JPH2: variants seen among roughly 807,000 people sequenced by gnomAD.
The protein encoded by JPH2 is junctophilin-2.
Under a neutral mutation model 55.9 loss-of-function variants are expected in JPH2, and 38 were observed. The observed-to-expected ratio is 0.68, with a 90% CI of 0.52 to 0.89. The LOEUF (loss-of-function observed/expected upper bound fraction) is 0.89, where lower values mean the gene tolerates loss of function less well. Among genes scored for constraint, JPH2 ranks in the 40% least tolerant of loss-of-function variants. JPH2 has a pLI of 0.00. For synonymous variants in JPH2, 480 were observed against 472.4 expected (o/e 1.02, Z -0.21); for missense variants, 964 against 1,037.6 (o/e 0.93, Z 0.97).
intron 1 of JPH2, among the ~76,000 whole-genome samples, chr20:44,184,235 C>T (rs1041213753): frequency 7.9e-5 from 12 of 152,094 alleles, no homozygotes; most frequent in African/African-American, 2.9e-4. Flanking sequence ...GAGGATGTTA[C>T]GTAGGGGCTT....
At chr20:44,170,457 A>G (rs73908585) in intron 1 of JPH2, among the ~76,000 whole-genome samples, 2,007 of 152,328 alleles carry the variant, frequency 0.013, 45 homozygotes, top group African/African-American at 0.046. Context: ...AATTTCAGAC[A>G]GTGTTTAAGA....
intron 1 of JPH2, chr20:44,178,003 G>A (rs1312562003): frequency 1.1e-6 from 1 of 905,044 alleles, no homozygotes; most frequent in Non-Finnish European, 1.9e-6. Context: ...GAAGCTCAGG[G>A]AGGTTACATG....
At chr20:44,145,118 G>A (rs1184321173) in intron 2 of JPH2, among the ~76,000 whole-genome samples, 2 of 152,036 alleles carry the variant, frequency 1.3e-5, no homozygotes, top group Non-Finnish European at 2.9e-5. Context: ...CATTTTTACC[G>A]TTATATCAAC....
chr20:44,181,160 A>G (rs2072780508), intron 1 of JPH2, among the ~76,000 whole-genome samples: 1 of 152,110 alleles, frequency 6.6e-6, no homozygotes, highest in African/African-American at 2.4e-5. Flanking sequence ...CAGACCAAAG[A>G]GAAAGCCTAG....
intron 2 of JPH2, among the ~76,000 whole-genome samples, chr20:44,122,719 G>A (rs1600833209): frequency 6.6e-6 from 1 of 152,312 alleles, no homozygotes; most frequent in East Asian, 1.9e-4. Context: ...TGGTCTTGAT[G>A]ATGACGATGA....
chr20:44,160,033 C>T lies in JPH2; in HGVS notation c.754G>A (p.Asp252Asn), dbSNP rs777934295. Reference protein sequence around the residue: ...QRSRVSFLKSDLSSGASDAAS... With the variant: ...QRSRVSFLKSNLSSGASDAAS... The stretch of plus-strand genomic sequence containing the variant: ...GCGTCGCTGGCGCCCGAGCTGAGGT[C>T]GCTCTTAAGGAAGCTGACACGGCTG... The change falls in exon 2 of 6, where the codon GAC becomes AAC. Residue 252 changes from aspartate to asparagine, a missense_variant. Coordinates refer to ENST00000372980, the MANE Select transcript of JPH2 (RefSeq NM_020433.5). This position sits in a 1 kb window ranked among gnomAD's most constrained non-coding sequence, Gnocchi z 4.9. 1 of 1,560,346 alleles carries T rather than the reference C, an allele frequency of 6.4e-7. No homozygotes were observed. Among genetic ancestry groups the T allele is most frequent in the Admixed American group, 1.9e-5 (1 of 54,022 alleles).
At chr20:44,183,418 T>C (rs2072803591) in intron 1 of JPH2, among the ~76,000 whole-genome samples, 1 of 152,226 alleles carries the variant, frequency 6.6e-6, no homozygotes, top group Non-Finnish European at 1.5e-5. Context: ...CATAGGCACC[T>C]GCACAAACTC....
intron 2 of JPH2, among the ~76,000 whole-genome samples, chr20:44,150,585 AAG>A: frequency 6.6e-6 from 1 of 152,366 alleles, no homozygotes. Context: ...AATCTTGAAA[AAG>A]AAGAACAAAA....
intron 2 of JPH2, among the ~76,000 whole-genome samples, chr20:44,133,346 A>C (rs1295266481): frequency 6.6e-6 from 1 of 151,862 alleles, no homozygotes; most frequent in East Asian, 2.0e-4. Context: ...TATTTTTAAA[A>C]TCTCACATCT....
intron 2 of JPH2, among the ~76,000 whole-genome samples, chr20:44,148,061 G>A (rs773278782): frequency 1.6e-4 from 24 of 152,182 alleles, no homozygotes; most frequent in Admixed American, 3.3e-4. Flanking sequence ...GACTCGGGAG[G>A]CTGAGGTAGG....
intron 1 of JPH2, among the ~76,000 whole-genome samples, chr20:44,161,853 C>T (rs1248284761): frequency 5.9e-5 from 9 of 152,094 alleles, no homozygotes; most frequent in African/African-American, 2.2e-4. Context: ...CATTTATGTC[C>T]TGCTGACCTC....
intron 2 of JPH2, among the ~76,000 whole-genome samples, chr20:44,145,039 T>C (rs530979004): frequency 3.9e-5 from 6 of 152,042 alleles, no homozygotes; most frequent in Non-Finnish European, 7.4e-5. Context: ...CCAGTGAGAG[T>C]GCAGGACTAG....
At chr20:44,182,785 A>G (rs1407605154) in intron 1 of JPH2, among the ~76,000 whole-genome samples, 1 of 152,072 alleles carries the variant, frequency 6.6e-6, no homozygotes, top group Non-Finnish European at 1.5e-5. Context: ...ATGTTTTTCC[A>G]CTGGACAGGG....
At chr20:44,184,299 T>C (rs573555334) in intron 1 of JPH2, among the ~76,000 whole-genome samples, 9 of 151,790 alleles carry the variant, frequency 5.9e-5, no homozygotes, top group South Asian at 2.1e-4. Flanking sequence ...TCTTCTTCTT[T>C]TTTTCCATCA....
At position 44,108,376 on chromosome 20, in the gene JPH2, TTGAG is replaced by T. The variant is rs556225922; in HGVS notation, c.*5138_*5141del. On this transcript the variant is annotated 3_prime_UTR_variant, in exon 6 of 6. Coordinates refer to ENST00000372980, the MANE Select transcript of JPH2 (RefSeq NM_020433.5). Reference sequence around the variant, plus strand: ...TTCTGTGAGTCTTTCTAGTGAATTATTGAGTATGAGGATAATCATAGGAACCCCC... The same window carrying T: ...TTCTGTGAGTCTTTCTAGTGAATTATTATGAGGATAATCATAGGAACCCCC... Among the ~76,000 whole-genome samples, 102 of 152,204 alleles carry T rather than the reference TTGAG, an allele frequency of 6.7e-4. No homozygotes were observed. Among genetic ancestry groups the T allele is most frequent in the African/African-American group, 2.4e-3 (99 of 41,536 alleles).
At chr20:44,122,523 T>C (rs1233545177) in intron 2 of JPH2, among the ~76,000 whole-genome samples, 4 of 152,174 alleles carry the variant, frequency 2.6e-5, no homozygotes. Context: ...AAAGCCTGGA[T>C]TGGACCCTGC....
In JPH2 at chr20:44,115,936, G is replaced by C; in HGVS notation, c.1739C>G (p.Pro580Arg). ...CTCGGGCTCGGGCTGGTCCTCAAAG[G>C]GTGGGGGCTCGGGCGGCGTGGTGCG... ...AVRTTPPEPP[P>R]FEDQPEPEVS... Residue 580 changes from proline to arginine, a missense_variant, in exon 4 of 6, where the codon CCC becomes CGC. Physicochemically the swap from Pro to Arg is moderately radical, Grantham distance 103. Transcript: ENST00000372980. 2 of 1,570,460 alleles carry C rather than the reference G, an allele frequency of 1.3e-6. No homozygotes were observed. Among genetic ancestry groups the C allele is most frequent in the Non-Finnish European group, 1.7e-6 (2 of 1,164,982 alleles).
chr20:44,116,200 G>C lies in JPH2; in HGVS notation c.1475C>G (p.Pro492Arg). Residue 492 changes from proline to arginine, a missense_variant, in exon 4 of 6, where the codon CCG (proline) becomes CGG (arginine). Pro to Arg is a moderately radical substitution (Grantham distance 103). Transcript: ENST00000372980. ...GGSPSPAGTP[P>R]QPKRPRPGVS... ...CCCGGGCCTGGGCCGCTTGGGCTGC[G>C]GGGGCGTCCCGGCCGGTGACGGGGA... The C allele has an allele frequency of 7.2e-7, 1 of 1,390,404 alleles. No individual in the cohort carries two copies. Among genetic ancestry groups the C allele is most frequent in the Non-Finnish European group, 9.2e-7 (1 of 1,083,866 alleles). The allele number at this position is 1,390,404 out of a possible 1,614,324, so 86.1% of individuals were successfully genotyped here.
intron 2 of JPH2, among the ~76,000 whole-genome samples, chr20:44,128,059 C>A (rs763295492): frequency 2.6e-5 from 4 of 152,112 alleles, no homozygotes; most frequent in Non-Finnish European, 5.9e-5. Flanking sequence ...TTTTCCCATT[C>A]TCTGGGCTGT....
Sources: gnomAD v4.1 joint callset for allele counts (sites outside exome capture counted in the v4.1 genomes callset) on GRCh38, gnomAD v4.1.1 for gene constraint, Gnocchi (gnomAD v3.1) non-coding constraint, MANE v1.5 for transcripts, NCBI Gene and HGNC (gene_info 2026-07-23, HGNC 2026-07-21) for gene names.